CALD1: variants seen among roughly 807,000 people sequenced by gnomAD.
The protein encoded by CALD1 is caldesmon.
Under a neutral mutation model 99.9 loss-of-function variants are expected in CALD1, and 33 were observed. That is an observed-to-expected ratio of 0.33 (90% CI 0.25 to 0.44). CALD1 has a LOEUF of 0.44. Among genes scored for constraint, CALD1 ranks in the 20% least tolerant of loss-of-function variants. The probability of loss-of-function intolerance (pLI) is 1.00; values close to 1 mark genes in which losing one functional copy is unlikely to be tolerated. For synonymous variants in CALD1, 310 were observed against 325.0 expected (o/e 0.95, Z 0.50); for missense variants, 861 against 962.1 (o/e 0.89, Z 1.39).
intron 1 of CALD1, among the ~76,000 whole-genome samples, chr7:134,804,665 C>T (rs575767711): frequency 1.3e-4 from 20 of 152,306 alleles, no homozygotes; most frequent in East Asian, 7.7e-4. Flanking sequence ...CGTCCAGGGA[C>T]GACAACATTT....
intron 1 of CALD1, among the ~76,000 whole-genome samples, chr7:134,772,748 T>C (rs958672702): frequency 2.6e-5 from 4 of 152,350 alleles, no homozygotes; most frequent in Non-Finnish European, 4.4e-5. Context: ...TCTGTGTACT[T>C]ATTGCAAGTG....
At chr7:134,891,663 GC>G (rs776128097) in intron 3 of CALD1, 7 of 1,604,474 alleles carry the variant, frequency 4.4e-6, no homozygotes, top group Non-Finnish European at 5.1e-6. Flanking sequence ...CAGCCTGGCC[GC>G]GCTCTCCCAG....
At chr7:134,792,280 CCT>C (rs1453953830) in intron 1 of CALD1, among the ~76,000 whole-genome samples, 7 of 149,746 alleles carry the variant, frequency 4.7e-5, no homozygotes, top group Non-Finnish European at 1.0e-4. Flanking sequence ...ATCCAAATTT[CCT>C]CTTCTTTTTT....
chr7:134,752,408 A>T (rs377071517), intron 1 of CALD1, among the ~76,000 whole-genome samples: 3 of 152,358 alleles, frequency 2.0e-5, no homozygotes, highest in African/African-American at 7.2e-5. Context: ...ATTTTAGCAC[A>T]CAAAAGTTTA....
intron 3 of CALD1, among the ~76,000 whole-genome samples, chr7:134,872,357 CAAAAAAAAAAAAA>C (rs35569742): frequency 3.3e-4 from 33 of 100,394 alleles, no homozygotes; most frequent in South Asian, 2.1e-3. Context: ...GACTCGGTCT[CAAAAAAAAAAAAA>C]AAAAAAAAAA....
At chr7:134,868,268 A>G (rs1176182680) in intron 3 of CALD1, 1 of 157,092 alleles carries the variant, frequency 6.4e-6, no homozygotes, top group Non-Finnish European at 1.4e-5. Context: ...AAAGTATCCA[A>G]CTCTAGGGAT....
At chr7:134,760,831 AT>A (rs979534346) in intron 1 of CALD1, among the ~76,000 whole-genome samples, 6 of 152,118 alleles carry the variant, frequency 3.9e-5, no homozygotes, top group African/African-American at 1.2e-4. Flanking sequence ...CAGAATGCAA[AT>A]TTTTTTTCTT....
intron 2 of CALD1, among the ~76,000 whole-genome samples, chr7:134,846,399 G>A (rs1477652383): frequency 6.6e-6 from 1 of 152,140 alleles, no homozygotes; most frequent in Non-Finnish European, 1.5e-5. Context: ...GAGAGTGGAG[G>A]GGCCAGGCCA....
intron 1 of CALD1, among the ~76,000 whole-genome samples, chr7:134,804,451 T>C (rs1798060172): frequency 6.6e-6 from 1 of 152,104 alleles, no homozygotes; most frequent in African/African-American, 2.4e-5. Flanking sequence ...GGAAACTTCT[T>C]GGCATTTTCT....
In CALD1 at chr7:134,943,902, T is replaced by C. The variant is rs116270990; in HGVS notation, c.1532+2665T>C. 3.8e-3 allele frequency among the ~76,000 whole-genome samples: 579 copies of C among 152,354 alleles called. 1 individual carries two copies. Among genetic ancestry groups the C allele is most frequent in the African/African-American group, 0.013 (551 of 41,590 alleles). ...AAATATAAGCCTATAATTAATGATATTAGATTCTACTGGATGGATGTATTA... is the reference window on the plus strand; with the variant it reads ...AAATATAAGCCTATAATTAATGATACTAGATTCTACTGGATGGATGTATTA... On this transcript the variant is annotated intron_variant, in intron 7 of 14. Coordinates refer to ENST00000361675, the MANE Select transcript of CALD1 (RefSeq NM_033138.4).
intron 14 of CALD1, among the ~76,000 whole-genome samples, chr7:134,967,656 G>T (rs768054331): frequency 1.3e-5 from 2 of 152,048 alleles, no homozygotes; most frequent in African/African-American, 4.8e-5. Flanking sequence ...CTATTCAGTC[G>T]CATGTGCCTG....
intron 3 of CALD1, among the ~76,000 whole-genome samples, chr7:134,878,426 G>A (rs184509445): frequency 5.3e-5 from 8 of 152,088 alleles, no homozygotes; most frequent in Non-Finnish European, 7.4e-5. Context: ...AAAATTAGCC[G>A]GGCATAGTAG....
chr7:134,925,277 A>G (rs1205987200), intron 3 of CALD1, among the ~76,000 whole-genome samples: 2 of 152,162 alleles, frequency 1.3e-5, no homozygotes, highest in Non-Finnish European at 2.9e-5. Context: ...TGGCAAATCT[A>G]GTTCATGTCA....
the CALD1 span, among the ~76,000 whole-genome samples, chr7:134,734,654 A>G: frequency 1.3e-5 from 2 of 152,254 alleles, no homozygotes; most frequent in Admixed American, 6.5e-5. Context: ...TTCTTGTGAT[A>G]GTGAATATGT....
chr7:134,840,642 CAAAAAGGT>C (rs1176184087), intron 1 of CALD1, among the ~76,000 whole-genome samples: 1 of 151,856 alleles, frequency 6.6e-6, no homozygotes, highest in East Asian at 1.9e-4. Flanking sequence ...GTGTAGAACT[CAAAAAGGT>C]AAAAGAAAAT....
chr7:134,789,187 G>T (rs145140051), intron 1 of CALD1, among the ~76,000 whole-genome samples: 1 of 152,142 alleles, frequency 6.6e-6, no homozygotes, highest in Admixed American at 6.5e-5. Flanking sequence ...ATTTTTATTA[G>T]GTAAAAATAA....
At chr7:134,842,075 G>A (rs1563037823) in intron 1 of CALD1, among the ~76,000 whole-genome samples, 1 of 152,176 alleles carries the variant, frequency 6.6e-6, no homozygotes, top group Non-Finnish European at 1.5e-5. Context: ...TATCAGAAAT[G>A]TATGGTGTCT....
chr7:134,842,974 A>C (rs1384138429), intron 1 of CALD1, among the ~76,000 whole-genome samples: 2 of 152,170 alleles, frequency 1.3e-5, no homozygotes. Context: ...ATTTCTCCCC[A>C]TGCCCGAGGA....
At chr7:134,939,326 G>A (rs1806243996) in intron 6 of CALD1, among the ~76,000 whole-genome samples, 1 of 152,152 alleles carries the variant, frequency 6.6e-6, no homozygotes, top group Admixed American at 6.5e-5. Context: ...GGAATCATCT[G>A]GTCCAACCGC....
Sources: gnomAD v4.1 joint callset for allele counts (sites outside exome capture counted in the v4.1 genomes callset) on GRCh38, gnomAD v4.1.1 for gene constraint, MANE v1.5 for transcripts, NCBI Gene and HGNC (gene_info 2026-07-23, HGNC 2026-07-21) for gene names.